Variants in TLL2 observed in about 807,000 individuals in gnomAD.
The protein encoded by TLL2 is tolloid-like protein 2.
TLL2 carries 106 observed loss-of-function variants against 123.0 expected under a neutral mutation model. The ratio of observed to expected loss-of-function variants is 0.86; its 90% CI spans 0.74 to 1.01. The LOEUF is 1.01. TLL2 is among the 50% of genes least tolerant of loss of function. TLL2 has a pLI of 0.00. For missense variants in TLL2, 1,332 were observed against 1,336.7 expected (o/e 1.00, Z 0.06); for synonymous variants, 494 against 516.8 (o/e 0.96, Z 0.60).
At chr10:96,455,876 C>T (rs1301322559) in intron 2 of TLL2, among the ~76,000 whole-genome samples, 10 of 152,182 alleles carry the variant, frequency 6.6e-5, no homozygotes, top group Admixed American at 6.5e-4. Flanking sequence ...TCCAAGAACC[C>T]TCTCTTGGGG....
chr10:96,415,988 C>A (rs575738805), intron 7 of TLL2, among the ~76,000 whole-genome samples: 15 of 151,464 alleles, frequency 9.9e-5, no homozygotes, highest in Non-Finnish European at 2.1e-4. Context: ...CAACATGTAA[C>A]CCTTGACCTG....
chr10:96,486,704 C>T (rs1847359767), intron 1 of TLL2, among the ~76,000 whole-genome samples: 1 of 152,226 alleles, frequency 6.6e-6, no homozygotes, highest in Non-Finnish European at 1.5e-5. Flanking sequence ...CCTGGAAGTT[C>T]ACTCCCTTGA....
chr10:96,376,942 G>A (rs1276892369), intron 17 of TLL2, 123 bp from the exon 18 acceptor site: 7 of 934,900 alleles, frequency 7.5e-6, no homozygotes, highest in Non-Finnish European at 9.0e-6. Flanking sequence ...TCAAATATGG[G>A]GGTGGGGTAT....
chr10:96,423,379 G>A (rs1159586415), intron 5 of TLL2, among the ~76,000 whole-genome samples: 2 of 152,188 alleles, frequency 1.3e-5, no homozygotes, highest in African/African-American at 4.8e-5. Flanking sequence ...ATGAAAAGGA[G>A]AAGAGTCACG....
At position 96,513,744 on chromosome 10, in the gene TLL2, G is replaced by T; in HGVS notation, c.-59C>A. Reference sequence around the variant, plus strand: ...GCGTGCACGAAAGCTCAGCTCGGCCGAAAGACGGCGCACACTGGGTCGGTC... The same window carrying T: ...GCGTGCACGAAAGCTCAGCTCGGCCTAAAGACGGCGCACACTGGGTCGGTC... On this transcript the variant is annotated 5_prime_UTR_variant, in exon 1 of 21. Coordinates refer to ENST00000357947, the MANE Select transcript of TLL2 (RefSeq NM_012465.4). 7.0e-7 allele frequency: 1 copy of T among 1,424,610 alleles called. No individual in the cohort carries two copies. Among genetic ancestry groups the T allele is most frequent in the South Asian group, 1.4e-5 (1 of 68,976 alleles). The allele number at this position is 1,424,610 out of a possible 1,614,324, so 88.2% of individuals were successfully genotyped here. A position where few individuals can be genotyped will look rare whatever the true frequency, so the allele number is the denominator to read the frequency against.
At chr10:96,477,389 G>A (rs1053672989) in intron 2 of TLL2, among the ~76,000 whole-genome samples, 1 of 145,726 alleles carries the variant, frequency 6.9e-6, no homozygotes, top group Non-Finnish European at 1.5e-5. Context: ...TTGCTCTGTC[G>A]CCCAGGCTGG....
chr10:96,507,304 A>G (rs1218110492), intron 1 of TLL2, among the ~76,000 whole-genome samples: 1 of 147,718 alleles, frequency 6.8e-6, no homozygotes, highest in Non-Finnish European at 1.5e-5. Context: ...GCCTCCCCCC[A>G]GCTCTGCCCC....
chr10:96,492,362 G>A (rs564217003), intron 1 of TLL2, among the ~76,000 whole-genome samples: 76 of 152,272 alleles, frequency 5.0e-4, no homozygotes, highest in African/African-American at 1.8e-3. Context: ...CGTGGCTCAC[G>A]CCTCTAATCC....
At chr10:96,453,844 G>C (rs1846984357) in intron 2 of TLL2, among the ~76,000 whole-genome samples, 1 of 152,146 alleles carries the variant, frequency 6.6e-6, no homozygotes, top group African/African-American at 2.4e-5. Context: ...ACTGTCCATT[G>C]TGATTATCTC....
At chr10:96,405,461 G>T in intron 9 of TLL2, 127 bp from the exon 10 acceptor site, 1 of 801,314 alleles carries the variant, frequency 1.2e-6, no homozygotes, top group Non-Finnish European at 2.1e-6. Context: ...CGGTAGGAGT[G>T]TTGTCTCAAA....
At chr10:96,508,872 T>C (rs541460715) in intron 1 of TLL2, among the ~76,000 whole-genome samples, 2 of 152,092 alleles carry the variant, frequency 1.3e-5, no homozygotes, top group Non-Finnish European at 2.9e-5. Flanking sequence ...AACAACATGA[T>C]ATTGACATGC....
At chr10:96,450,443 T>C (rs905957343) in intron 2 of TLL2, among the ~76,000 whole-genome samples, 24 of 152,176 alleles carry the variant, frequency 1.6e-4, no homozygotes, top group Non-Finnish European at 3.5e-4. Context: ...GGCCTGGGAA[T>C]GGGGAGTTTA....
chr10:96,368,959 T>G (rs545855964), intron 20 of TLL2, among the ~76,000 whole-genome samples: 105 of 152,368 alleles, frequency 6.9e-4, no homozygotes, highest in African/African-American at 2.2e-3. Context: ...AGTGCCACTT[T>G]GTCATTCTTC....
intron 10 of TLL2, among the ~76,000 whole-genome samples, chr10:96,402,767 A>G (rs1291897210): frequency 6.6e-6 from 1 of 152,150 alleles, no homozygotes; most frequent in Non-Finnish European, 1.5e-5. Flanking sequence ...CAGTCATACG[A>G]AAGATTAATG....
At chr10:96,476,248 T>TTTTTTTGTTGTTGTTGTTG in intron 2 of TLL2, among the ~76,000 whole-genome samples, 1 of 69,244 alleles carries the variant, frequency 1.4e-5, no homozygotes, top group African/African-American at 6.2e-5. Context: ...ATATTTTATT[T>TTTTTTTGTTGTTGTTGTTG]TTGTTGTTGT....
chr10:96,453,411 A>G (rs186146708), intron 2 of TLL2, among the ~76,000 whole-genome samples: 2 of 152,242 alleles, frequency 1.3e-5, no homozygotes, highest in Non-Finnish European at 2.9e-5. Flanking sequence ...AGCTGAGATC[A>G]CACCACTGCA....
intron 4 of TLL2, among the ~76,000 whole-genome samples, chr10:96,431,441 GC>G (rs1846739419): frequency 1.3e-5 from 2 of 152,234 alleles, no homozygotes; most frequent in Admixed American, 1.3e-4. Context: ...CAGGGAATCT[GC>G]CTTCATCAGC....
intron 2 of TLL2, among the ~76,000 whole-genome samples, chr10:96,476,522 A>G (rs1387653066): frequency 2.0e-5 from 3 of 151,650 alleles, no homozygotes; most frequent in African/African-American, 7.3e-5. Context: ...TCGGCCTCCC[A>G]AAGTGCTCGG....
intron 1 of TLL2, among the ~76,000 whole-genome samples, chr10:96,482,370 T>C (rs377740622): frequency 6.6e-6 from 1 of 152,144 alleles, no homozygotes; most frequent in South Asian, 2.1e-4. Context: ...TACAAAGACA[T>C]GCTCAAAGGT....
Sources: gnomAD v4.1 joint callset for allele counts (sites outside exome capture counted in the v4.1 genomes callset) on GRCh38, gnomAD v4.1.1 for gene constraint, MANE v1.5 for transcripts, NCBI Gene and HGNC (gene_info 2026-07-23, HGNC 2026-07-21) for gene names.